The following TRIM49 variants were observed in gnomAD, a reference collection of about 807,000 sequenced individuals.
TRIM49 encodes the protein tripartite motif containing 49, also known as tripartite motif-containing protein 49.
In TRIM49, 5 loss-of-function variants were observed where a neutral mutation model predicts 27.4. The ratio of observed to expected loss-of-function variants is 0.18; its 90% confidence interval spans 0.10 to 0.38. TRIM49 has a LOEUF of 0.38. Among genes scored for constraint, TRIM49 ranks in the 10% least tolerant of loss-of-function variants. The probability of loss-of-function intolerance (pLI) is 1.00; values close to 1 mark genes in which losing one functional copy is unlikely to be tolerated. For synonymous variants in TRIM49, 69 were observed against 166.0 expected, an observed-to-expected ratio of 0.42 and a Z score of 4.49; for missense variants, 188 against 487.5, an observed-to-expected ratio of 0.39 and a Z score of 5.79.
the TRIM49 span, among the ~76,000 whole-genome samples, chr11:89,772,903 AG>A: frequency 7.4e-6 from 1 of 134,330 alleles, no homozygotes; most frequent in African/African-American, 3.5e-5. Context: ...CTTAAGAAAA[AG>A]TCTCCAATTT....
chr11:89,792,942 C>T (rs1387669047), downstream of TRIM49, among the ~76,000 whole-genome samples: 2 of 152,118 alleles, frequency 1.3e-5, no homozygotes, highest in East Asian at 1.9e-4. Flanking sequence ...TTCAAAAGAT[C>T]AGTGAATCCA....
At chr11:89,792,830 A>G (rs1274935021), downstream of TRIM49, among the ~76,000 whole-genome samples, 1 of 152,266 alleles carries the variant, frequency 6.6e-6, no homozygotes, top group Non-Finnish European at 1.5e-5. Context: ...TCACAACTAA[A>G]AGAACTAGAG....
chr11:89,777,389 A>T, the TRIM49 span: 4 of 1,536,160 alleles, frequency 2.6e-6, no homozygotes, highest in Admixed American at 3.9e-5. Flanking sequence ...AATGCAGGGT[A>T]CGTGATGCCT....
At chr11:89,800,821 T>C in intron 6 of TRIM49, 145 bp downstream of exon 6, 1 of 586,050 alleles carries the variant, frequency 1.7e-6, no homozygotes, top group Non-Finnish European at 3.1e-6. Context: ...TTCGTGGCCT[T>C]GTCTTTTAAG....
At chr11:89,806,845 A>ATATATTCAT (rs1427464580) in intron 2 of TRIM49, among the ~76,000 whole-genome samples, 1 of 148,936 alleles carries the variant, frequency 6.7e-6, no homozygotes, top group African/African-American at 2.5e-5. Context: ...TATCAACTCC[A>ATATATTCAT]TATATTCATT....
At chr11:89,770,743 G>C in the TRIM49 span, among the ~76,000 whole-genome samples, 1 of 142,842 alleles carries the variant, frequency 7.0e-6, no homozygotes, top group African/African-American at 2.8e-5. Context: ...GCGAGCGCCT[G>C]TAGTCCCAGC....
At chr11:89,769,544 C>T in the TRIM49 span, among the ~76,000 whole-genome samples, 2 of 133,626 alleles carry the variant, frequency 1.5e-5, no homozygotes, top group South Asian at 2.3e-4. Context: ...AAGAGTTCTT[C>T]GAGAACCACC....
chr11:89,806,273 T>C lies in TRIM49; in HGVS notation c.-5+826A>G, dbSNP rs372379598. ...ATCTTATGGGACCCCCATATGTGGT[T>C]TGTGGCTGACTCAAATGGCCCATGA... On this transcript the variant is annotated intron_variant, in intron 2 of 7. Transcript: ENST00000329758. 2.1e-3 allele frequency among the ~76,000 whole-genome samples: 310 copies of C among 151,026 alleles called. 5 individuals are homozygous for C. Among genetic ancestry groups the C allele is most frequent in the African/African-American group, 6.2e-3 (250 of 40,532 alleles).
At chr11:89,777,384 A>T in the TRIM49 span, 3 of 1,534,856 alleles carry the variant, frequency 2.0e-6, no homozygotes, top group Non-Finnish European at 1.8e-6. Context: ...TGAGGAATGC[A>T]GGGTACGTGA....
the TRIM49 span, chr11:89,768,093 G>C: frequency 2.9e-4 from 195 of 681,270 alleles, 21 homozygotes; most frequent in Middle Eastern, 2.9e-3. Context: ...CTATTCTCTT[G>C]TTCTAGATGA....
chr11:89,774,394 TG>T, the TRIM49 span, among the ~76,000 whole-genome samples: 1 of 151,054 alleles, frequency 6.6e-6, no homozygotes, highest in African/African-American at 2.5e-5. Context: ...CCCTCAAGTC[TG>T]GTTTTCAATA....
At chr11:89,777,199 T>C in the TRIM49 span, 1 of 1,525,586 alleles carries the variant, frequency 6.6e-7, no homozygotes, top group African/African-American at 1.5e-5. Context: ...CAAAAAGCTG[T>C]CTTCCCTAGC....
the TRIM49 span, among the ~76,000 whole-genome samples, chr11:89,778,298 T>C: frequency 4.6e-5 from 7 of 152,198 alleles, no homozygotes; most frequent in African/African-American, 1.7e-4. Context: ...TTCACTAAGA[T>C]TGGGTGTGAG....
chr11:89,793,845 T>C (rs566544026), downstream of TRIM49, among the ~76,000 whole-genome samples: 1 of 152,094 alleles, frequency 6.6e-6, no homozygotes, highest in South Asian at 2.1e-4. Flanking sequence ...GGATACTCTT[T>C]CTCACCTCTA....
downstream of TRIM49, among the ~76,000 whole-genome samples, chr11:89,795,725 A>T (rs1424639178): frequency 4.0e-3 from 458 of 115,516 alleles, no homozygotes; most frequent in African/African-American, 0.014. Flanking sequence ...CATCACACAT[A>T]GGGGCCTGTT....
At chr11:89,773,788 C>T in the TRIM49 span, among the ~76,000 whole-genome samples, 1 of 131,746 alleles carries the variant, frequency 7.6e-6, no homozygotes, top group Non-Finnish European at 1.5e-5. Flanking sequence ...AAAATACAAA[C>T]TTAGCTGGGC....
At chr11:89,790,695 G>A in the TRIM49 span, among the ~76,000 whole-genome samples, 2 of 152,102 alleles carry the variant, frequency 1.3e-5, no homozygotes, top group South Asian at 2.1e-4. Flanking sequence ...GGTCCTGACT[G>A]TTAGAAGGAA....
chr11:89,791,363 C>A, the TRIM49 span, among the ~76,000 whole-genome samples: 301 of 152,114 alleles, frequency 2.0e-3, 1 homozygote, highest in African/African-American at 7.0e-3. Context: ...GCAAGGCAGG[C>A]CAACATTCAA....
chr11:89,806,116 T>TAGGA (rs1949788091), intron 2 of TRIM49, among the ~76,000 whole-genome samples: 6 of 149,000 alleles, frequency 4.0e-5, no homozygotes, highest in Admixed American at 4.0e-4. Context: ...CTATTGTTCC[T>TAGGA]ACAATAGGCT....
Sources: allele counts gnomAD v4.1 joint callset (sites outside exome capture counted in the v4.1 genomes callset), GRCh38; gene constraint gnomAD v4.1.1; transcripts MANE v1.5; gene names NCBI Gene and HGNC (gene_info 2026-07-23, HGNC 2026-07-21).